CRYL1: variants seen among roughly 807,000 people sequenced by gnomAD.
The protein encoded by CRYL1 is lambda-crystallin homolog.
A neutral mutation model predicts 36.6 loss-of-function variants in CRYL1; 29 were observed. The observed-to-expected ratio is 0.79, with a 90% CI of 0.59 to 1.08. The LOEUF (loss-of-function observed/expected upper bound fraction) is 1.08. Ranked by LOEUF, CRYL1 falls within the 50% of genes least tolerant of loss-of-function variation. CRYL1 has a pLI of 0.00. For synonymous variants in CRYL1, 152 were observed against 151.5 expected, an observed-to-expected ratio of 1.00 and a Z score of -0.02; for missense variants, 411 against 407.9, an observed-to-expected ratio of 1.01 and a Z score of -0.06.
intron 1 of CRYL1, among the ~76,000 whole-genome samples, chr13:20,521,174 A>G (rs1227986725): frequency 1.3e-5 from 2 of 151,826 alleles, no homozygotes; most frequent in Admixed American, 6.6e-5. Flanking sequence ...ACGAACGAAA[A>G]AAAGAAAGAA....
chr13:20,434,778 C>T (rs371316054), intron 4 of CRYL1, among the ~76,000 whole-genome samples: 3 of 151,996 alleles, frequency 2.0e-5, no homozygotes, highest in East Asian at 3.9e-4. Flanking sequence ...GTCTGTGGTT[C>T]ACGAAGTCAG....
Position 20,420,701 on chromosome 13 carries a change from T to TTTTTGTGTG in CRYL1, c.634-7315_634-7314insCACACAAAA. Among the ~76,000 whole-genome samples the TTTTTGTGTG allele has an allele frequency of 9.1e-5, 2 of 21,874 alleles. 1 individual carries two copies. The highest frequency in any genetic ancestry group is 2.1e-4 in the African/African-American group (2 of 9,520). 14.4% of individuals were successfully genotyped at this position (21,874 alleles called of 152,430 possible). The stretch of plus-strand genomic sequence containing the variant: ...CTTTGACTTTTCTTTAAAATAGAGG[T>TTTTTGTGTG]TGTGTGTGTGTGTGTGTGTGTGTGT... On this transcript the variant is annotated intron_variant, in intron 5 of 7. Coordinates refer to ENST00000298248, the MANE Select transcript of CRYL1 (RefSeq NM_015974.3).
chr13:20,453,000 TAAAC>T (rs1184253032), intron 3 of CRYL1, among the ~76,000 whole-genome samples: 1 of 152,188 alleles, frequency 6.6e-6, no homozygotes, highest in African/African-American at 2.4e-5. Flanking sequence ...AAAGGAGAAA[TAAAC>T]AAATCCACGA....
intron 1 of CRYL1, among the ~76,000 whole-genome samples, chr13:20,519,453 G>A (rs1427199840): frequency 3.9e-5 from 6 of 152,120 alleles, no homozygotes; most frequent in Non-Finnish European, 7.3e-5. Context: ...ATGAAGGGAT[G>A]GTGGAACATG....
intron 1 of CRYL1, among the ~76,000 whole-genome samples, chr13:20,522,844 G>A (rs1017569149): frequency 4.0e-5 from 6 of 150,008 alleles, no homozygotes; most frequent in South Asian, 2.1e-4. Flanking sequence ...ATAAAGGTAA[G>A]GCTAACAAAA....
chr13:20,444,028 T>C (rs1333998809), intron 3 of CRYL1, among the ~76,000 whole-genome samples: 5 of 152,198 alleles, frequency 3.3e-5, no homozygotes, highest in Non-Finnish European at 1.5e-5. Flanking sequence ...CAGTTTCTCT[T>C]CACCATTTCT....
At chr13:20,490,356 C>T in intron 2 of CRYL1, among the ~76,000 whole-genome samples, 1 of 152,142 alleles carries the variant, frequency 6.6e-6, no homozygotes, top group East Asian at 1.9e-4. Flanking sequence ...AGCACCACTG[C>T]ACTCCAGCCT....
At chr13:20,439,807 A>G (rs1593446007) in intron 3 of CRYL1, 53 bp from the exon 4 acceptor site, 2 of 1,523,360 alleles carry the variant, frequency 1.3e-6, no homozygotes, top group Non-Finnish European at 1.8e-6. Context: ...TCAGGCCCCA[A>G]GCAAAGCATT....
rs145717828 is a variant in CRYL1, at chr13:20,449,988, G to A, written c.277-10234C>T. ...AGTATTCCATGCTTATGGATTGGAAGAATTAATATTGTTAACATGGCCATA... is the reference window on the plus strand; with the variant it reads ...AGTATTCCATGCTTATGGATTGGAAAAATTAATATTGTTAACATGGCCATA... On this transcript the variant is annotated intron_variant, in intron 3 of 7. Transcript: ENST00000298248. Among the ~76,000 whole-genome samples the A allele has an allele frequency of 8.9e-3, 1,355 of 152,280 alleles. 23 individuals carry two copies. Among genetic ancestry groups the A allele is most frequent in the African/African-American group, 0.031 (1,291 of 41,546 alleles).
chr13:20,411,740 T>A (rs1388379098), intron 6 of CRYL1, among the ~76,000 whole-genome samples: 1 of 152,220 alleles, frequency 6.6e-6, no homozygotes, highest in Non-Finnish European at 1.5e-5. Context: ...TATCTTCTTC[T>A]ATTCAGTGGT....
At chr13:20,438,621 G>A (rs1477844065) in intron 4 of CRYL1, among the ~76,000 whole-genome samples, 1 of 152,150 alleles carries the variant, frequency 6.6e-6, no homozygotes, top group Non-Finnish European at 1.5e-5. Flanking sequence ...CAGGGTCTTT[G>A]CTTATGCTCT....
intron 1 of CRYL1, among the ~76,000 whole-genome samples, chr13:20,516,631 C>T (rs1051508512): frequency 2.0e-5 from 3 of 152,038 alleles, no homozygotes; most frequent in African/African-American, 7.2e-5. Context: ...AGGCGCTCGC[C>T]ACCACGCCTG....
Position 20,432,238 on chromosome 13 carries a change from G to GTTTT in CRYL1, c.496_497insAAAA (p.Pro166GlnfsTer54), listed in dbSNP as rs1436892069. Reference sequence around the variant, plus strand: ...GGCGTGGGTTCTGTCCACTGTCGTAGGGGCCGTCTCCGGGTGGGGGACCAG... The same window carrying GTTTT: ...GGCGTGGGTTCTGTCCACTGTCGTAGTTTTGGGCCGTCTCCGGGTGGGGGACCAG... On this transcript the variant is annotated frameshift_variant, in exon 5 of 8. Coordinates refer to ENST00000298248, the MANE Select transcript of CRYL1 (RefSeq NM_015974.3). LOFTEE classifies it high-confidence loss of function. 1.9e-6 allele frequency: 3 copies of GTTTT among 1,613,736 alleles called. No homozygotes were observed. Among genetic ancestry groups the GTTTT allele is most frequent in the Non-Finnish European group, 2.5e-6 (3 of 1,179,962 alleles).
chr13:20,465,041 T>C lies in CRYL1; in HGVS notation c.276+24329A>G, dbSNP rs551987694. ...TAAATATTTCAGGTTAAATTTGCTC[T>C]TATTTTTAGAAAAGACACACCAACA... On this transcript the variant is annotated intron_variant, in intron 3 of 7. Coordinates refer to ENST00000298248, the MANE Select transcript of CRYL1 (RefSeq NM_015974.3). Among the ~76,000 whole-genome samples the C allele has an allele frequency of 7.9e-5, 12 of 152,312 alleles. No homozygotes were observed. The East Asian group carries it at 2.3e-3, about 29-fold the overall frequency.
intron 2 of CRYL1, among the ~76,000 whole-genome samples, chr13:20,502,042 T>G (rs562277286): frequency 5.3e-5 from 8 of 152,128 alleles, no homozygotes; most frequent in Non-Finnish European, 1.0e-4. Context: ...CACTCAAGTT[T>G]TCATTAAGAA....
intron 3 of CRYL1, among the ~76,000 whole-genome samples, chr13:20,476,280 G>A (rs1375027159): frequency 3.3e-5 from 5 of 151,614 alleles, no homozygotes; most frequent in Admixed American, 6.6e-5. Context: ...ACTGGAACCC[G>A]GGAGGCAGAG....
chr13:20,420,201 C>T (rs971059218), intron 5 of CRYL1, among the ~76,000 whole-genome samples: 9 of 152,226 alleles, frequency 5.9e-5, no homozygotes, highest in Admixed American at 2.6e-4. Context: ...ATAAAACACC[C>T]GTCCTGTCAA....
chr13:20,404,744 G>C lies in CRYL1; in HGVS notation c.740-3C>G, dbSNP rs1332074368. 1 of 1,576,688 alleles carries C rather than the reference G, an allele frequency of 6.3e-7. No homozygotes were observed. The highest frequency in any genetic ancestry group is 1.4e-5 in the African/African-American group (1 of 73,992). ...TCTGTCGCAGTAGCTTAACATACCT[G>C]GAATTGTATGAAGACAAGAATCCAC... On this transcript the variant is annotated splice_polypyrimidine_tract_variant and splice_region_variant and intron_variant, in intron 6 of 7. Transcript: ENST00000298248.
chr13:20,461,577 C>T (rs988252167), intron 3 of CRYL1, among the ~76,000 whole-genome samples: 2 of 152,094 alleles, frequency 1.3e-5, no homozygotes, highest in Non-Finnish European at 2.9e-5. Context: ...GCTGGCACCA[C>T]AAAGCAGGCA....
Sources: allele counts gnomAD v4.1 joint callset (sites outside exome capture counted in the v4.1 genomes callset), GRCh38; gene constraint gnomAD v4.1.1; transcripts MANE v1.5; gene names NCBI Gene and HGNC (gene_info 2026-07-23, HGNC 2026-07-21).